The following MET variants were observed in gnomAD, a reference collection of about 807,000 sequenced individuals.
MET encodes the protein hepatocyte growth factor receptor.
Under a neutral mutation model 133.1 loss-of-function variants are expected in MET, and 48 were observed. The observed-to-expected ratio is 0.36, with a 90% confidence interval of 0.29 to 0.46. The LOEUF (loss-of-function observed/expected upper bound fraction) is 0.46, where lower values mean the gene tolerates loss of function less well. MET is among the 20% of genes least tolerant of loss of function. MET has a pLI of 1.00. For synonymous variants in MET, 628 were observed against 616.5 expected, an observed-to-expected ratio of 1.02 and a Z score of -0.28; for missense variants, 1,442 against 1,695.9, an observed-to-expected ratio of 0.85 and a Z score of 2.63.
chr7:116,707,393 T>C (rs1263202629), intron 2 of MET, among the ~76,000 whole-genome samples: 1 of 152,134 alleles, frequency 6.6e-6, no homozygotes, highest in Non-Finnish European at 1.5e-5. Flanking sequence ...AAATGGTAGA[T>C]GATACTTCAA....
rs200752283 is a variant in MET, at chr7:116,740,135, A to G, written c.1527+51A>G. The G allele has an allele frequency of 1.8e-3, 2,926 of 1,608,264 alleles. 8 individuals are homozygous for G. Among genetic ancestry groups the G allele is most frequent in the South Asian group, 7.1e-3 (646 of 90,860 alleles). ...CATAGACGTGGTTTTTCCCAAATGCATATTTACAACCAGTGTCACTTGGCC... is the reference window on the plus strand; with the variant it reads ...CATAGACGTGGTTTTTCCCAAATGCGTATTTACAACCAGTGTCACTTGGCC... On this transcript the variant is annotated intron_variant, in intron 4 of 20. Transcript: ENST00000397752.
In MET at chr7:116,699,953, C is replaced by A. The variant is rs2116599919; in HGVS notation, c.869C>A (p.Ser290Tyr). The A allele has an allele frequency of 6.2e-7, 1 of 1,613,984 alleles. No individual in the cohort carries two copies. Among genetic ancestry groups the A allele is most frequent in the South Asian group, 1.1e-5 (1 of 91,074 alleles). ...RFCSINSGLHSYMEMPLECIL... is the reference protein window; with the variant it reads ...RFCSINSGLHYYMEMPLECIL... The stretch of plus-strand genomic sequence containing the variant: ...TGTTCCATAAACTCTGGATTGCATT[C>A]CTACATGGAAATGCCTCTGGAGTGT... Residue 290 changes from serine (S) to tyrosine (Y), a missense_variant, in exon 2 of 21, where the codon TCC becomes TAC. Around this residue, in one of 6 missense-constraint regions of MET, gnomAD observed 762 missense variants for 792.4 expected, o/e 0.96. Coordinates refer to ENST00000397752, the MANE Select transcript of MET (RefSeq NM_000245.4).
intron 2 of MET, among the ~76,000 whole-genome samples, chr7:116,730,923 C>G (rs1429754742): frequency 1.3e-5 from 2 of 152,058 alleles, no homozygotes; most frequent in Non-Finnish European, 2.9e-5. Flanking sequence ...GGGAGGTCTT[C>G]CAGAAAACCT....
intron 5 of MET, among the ~76,000 whole-genome samples, chr7:116,749,474 T>C (rs988361797): frequency 8.5e-5 from 13 of 152,192 alleles, no homozygotes; most frequent in African/African-American, 2.7e-4. Context: ...TAATAAGAGC[T>C]ATTTATGATA....
intron 1 of MET, among the ~76,000 whole-genome samples, chr7:116,683,112 G>A (rs968098622): frequency 3.3e-5 from 5 of 152,002 alleles, no homozygotes; most frequent in Admixed American, 6.6e-5. Flanking sequence ...TGGTACATGC[G>A]CAGATTTGTT....
chr7:116,758,351 T>A (rs1794267997), intron 8 of MET, 108 bp from the exon 9 acceptor site: 11 of 1,186,642 alleles, frequency 9.3e-6, no homozygotes, highest in Non-Finnish European at 1.4e-5. Flanking sequence ...ACTCAGGAAA[T>A]TCCCACTTAG....
At chr7:116,742,345 T>C (rs1793491612) in intron 5 of MET, among the ~76,000 whole-genome samples, 1 of 152,258 alleles carries the variant, frequency 6.6e-6, no homozygotes, top group South Asian at 2.1e-4. Context: ...AAATCTATAC[T>C]GTAGTATTTG....
intron 1 of MET, among the ~76,000 whole-genome samples, chr7:116,680,063 C>G (rs1009385009): frequency 7.4e-5 from 11 of 149,372 alleles, no homozygotes; most frequent in African/African-American, 2.7e-4. Flanking sequence ...ATGGAATTGG[C>G]AATTTCTTAT....
Position 116,756,365 on chromosome 7 carries a change from T to A in MET, c.1862+850T>A, listed in dbSNP as rs978921032. Among the ~76,000 whole-genome samples, 4 of 152,336 alleles carry A rather than the reference T, an allele frequency of 2.6e-5. No homozygotes were observed. In the East Asian group the frequency reaches 7.7e-4, roughly 29 times the overall value. ...TGATTGAACCCATTCTATCAGGTGG[T>A]TATTTTATATCTAATAGAATTCATT... On this transcript the variant is annotated intron_variant, in intron 6 of 20. Coordinates refer to ENST00000397752, the MANE Select transcript of MET (RefSeq NM_000245.4).
chr7:116,744,495 G>C (rs1233277641), intron 5 of MET, among the ~76,000 whole-genome samples: 1 of 152,134 alleles, frequency 6.6e-6, no homozygotes, highest in Admixed American at 6.6e-5. Context: ...AGAGAAAAAA[G>C]AATGAAAAGG....
intron 2 of MET, among the ~76,000 whole-genome samples, chr7:116,723,703 A>T (rs1351448764): frequency 2.0e-5 from 3 of 152,122 alleles, no homozygotes; most frequent in Non-Finnish European, 4.4e-5. Context: ...CTTCTAACAG[A>T]CAGGACCCTC....
chr7:116,797,369 C>A lies in MET; in HGVS notation c.*1245C>A, dbSNP rs1382983595. ...GTCTCGGTGGCAGGTTCCCACCTCG[C>A]AAGCAATTGGAAACAAAACTTTTGG... On this transcript the variant is annotated 3_prime_UTR_variant, in exon 21 of 21. Coordinates refer to ENST00000397752, the MANE Select transcript of MET (RefSeq NM_000245.4). 2.7e-5 allele frequency: 6 copies of A among 225,136 alleles called. No homozygotes were observed. The South Asian group carries it at 9.6e-4, about 36-fold the overall frequency. 13.9% of individuals were successfully genotyped at this position (225,136 alleles called of 1,614,324 possible).
chr7:116,711,172 T>C (rs1240472114), intron 2 of MET, among the ~76,000 whole-genome samples: 1 of 152,268 alleles, frequency 6.6e-6, no homozygotes, highest in Admixed American at 6.5e-5. Context: ...TACGGGTAAA[T>C]CACAAATTAA....
intron 17 of MET, among the ~76,000 whole-genome samples, chr7:116,781,498 C>A (rs1284703751): frequency 1.3e-5 from 2 of 152,200 alleles, no homozygotes; most frequent in South Asian, 4.1e-4. Flanking sequence ...AAACAATTAG[C>A]CTGGTGTGTT....
chr7:116,786,085 G>T (rs1196323009), intron 19 of MET, among the ~76,000 whole-genome samples: 1 of 152,254 alleles, frequency 6.6e-6, no homozygotes, highest in Non-Finnish European at 1.5e-5. Flanking sequence ...AAGGCTAGAA[G>T]TCCAAGATCA....
In MET at chr7:116,759,366, T is replaced by A. The variant is rs1794308172; in HGVS notation, c.2265-25T>A. ...TGGTGGAAAGAACCTCTCAACATTG[T>A]CAGTTTTCTATTTTGCTTTGCCAGT... is the stretch of plus-strand genomic sequence containing the variant. On this transcript the variant is annotated intron_variant, in intron 9 of 20. Transcript: ENST00000397752. 6.2e-7 allele frequency: 1 copy of A among 1,608,998 alleles called. No individual in the cohort carries two copies. Among genetic ancestry groups the A allele is most frequent in the Non-Finnish European group, 8.5e-7 (1 of 1,177,562 alleles).
At chr7:116,764,084 G>A (rs1201003869) in intron 11 of MET, among the ~76,000 whole-genome samples, 2 of 152,074 alleles carry the variant, frequency 1.3e-5, no homozygotes, top group Admixed American at 1.3e-4. Context: ...TAAAGCAATA[G>A]GATAGTCTTT....
rs554170963 is a variant in MET at position 116,732,478 on chromosome 7, G to A, written c.1392+619G>A. Among the ~76,000 whole-genome samples the A allele has an allele frequency of 1.5e-3, 222 of 152,304 alleles. 1 individual carries two copies. The highest frequency in any genetic ancestry group is 2.3e-3 in the Non-Finnish European group (155 of 68,016). On this transcript the variant is annotated intron_variant, in intron 3 of 20. Coordinates refer to ENST00000397752, the MANE Select transcript of MET (RefSeq NM_000245.4). ...CCATTTCAACTTACTGTGTTTCCTA[G>A]ATACAAGAACCATAGCACTTTGCAG...
At chr7:116,766,968 G>A (rs761256009) in intron 11 of MET, among the ~76,000 whole-genome samples, 1 of 152,096 alleles carries the variant, frequency 6.6e-6, no homozygotes, top group Non-Finnish European at 1.5e-5. Flanking sequence ...TGTGAGGTTC[G>A]TTGCTTGGTT....
Sources: allele counts gnomAD v4.1 joint callset (sites outside exome capture counted in the v4.1 genomes callset), GRCh38; gene constraint gnomAD v4.1.1; regional missense constraint gnomAD v4.1.1; transcripts MANE v1.5; gene names NCBI Gene and HGNC (gene_info 2026-07-23, HGNC 2026-07-21).